NELL1: variants seen among roughly 807,000 people sequenced by gnomAD.
NELL1 encodes protein kinase C-binding protein NELL1.
A neutral mutation model predicts 107.4 loss-of-function variants in NELL1; 76 were observed. The observed-to-expected ratio is 0.71, with a 90% CI of 0.59 to 0.86. The LOEUF (loss-of-function observed/expected upper bound fraction) is 0.86. NELL1 is among the 40% of genes least tolerant of loss of function. NELL1 has a pLI of 0.00. For missense variants in NELL1, 1,024 were observed against 1,005.5 expected, an observed-to-expected ratio of 1.02 and a Z score of -0.25; for synonymous variants, 353 against 341.2, an observed-to-expected ratio of 1.03 and a Z score of -0.38.
intron 13 of NELL1, among the ~76,000 whole-genome samples, chr11:21,119,386 G>GAAAAAA (rs5790163): frequency 7.7e-6 from 1 of 129,138 alleles, no homozygotes. Context: ...GCTAAAAATT[G>GAAAAAA]AAAAAAAAAA....
intron 15 of NELL1, 101 bp downstream of exon 15, chr11:21,371,049 A>C: frequency 1.1e-6 from 1 of 889,152 alleles, no homozygotes; most frequent in Non-Finnish European, 1.7e-6. Flanking sequence ...CTGTGGGTTG[A>C]CTTGATACAT....
chr11:21,504,304 C>G (rs1490783128), intron 15 of NELL1: 1 of 152,152 alleles, frequency 6.6e-6, no homozygotes, highest in African/African-American at 2.4e-5. Flanking sequence ...GTTTACAAAT[C>G]CATTCACGTT....
chr11:21,262,989 C>A (rs568527880), intron 14 of NELL1, among the ~76,000 whole-genome samples: 2 of 151,812 alleles, frequency 1.3e-5, no homozygotes, highest in Non-Finnish European at 2.9e-5. Context: ...AGACTTCGTT[C>A]ACTTTATCTT....
intron 13 of NELL1, among the ~76,000 whole-genome samples, chr11:21,168,208 T>G (rs1856526549): frequency 6.6e-6 from 1 of 151,904 alleles, no homozygotes; most frequent in Admixed American, 6.6e-5. Flanking sequence ...AGGTCATCTC[T>G]GATAAATGGG....
intron 13 of NELL1, among the ~76,000 whole-genome samples, chr11:21,179,987 T>C (rs1303230711): frequency 7.7e-6 from 1 of 129,106 alleles, no homozygotes; most frequent in Non-Finnish European, 1.5e-5. Context: ...CCACAGAATA[T>C]ATGTAAACAA....
chr11:20,797,303 G>T (rs777282947), intron 3 of NELL1, among the ~76,000 whole-genome samples: 6 of 151,780 alleles, frequency 4.0e-5, no homozygotes, highest in Non-Finnish European at 7.4e-5. Context: ...GGTGGCTCGC[G>T]CCTGTAATCC....
intron 2 of NELL1, among the ~76,000 whole-genome samples, chr11:20,764,174 CT>C (rs1461770015): frequency 6.6e-6 from 1 of 152,090 alleles, no homozygotes; most frequent in African/African-American, 2.4e-5. Context: ...CTATCCAGAA[CT>C]TTTTTATTTT....
chr11:20,689,383 C>T (rs1447634988), intron 2 of NELL1, among the ~76,000 whole-genome samples: 1 of 150,522 alleles, frequency 6.6e-6, no homozygotes, highest in Non-Finnish European at 1.5e-5. Flanking sequence ...GTGCTGCACC[C>T]ATTAACTCAT....
intron 13 of NELL1, among the ~76,000 whole-genome samples, chr11:21,177,946 C>T (rs1453563838): frequency 6.6e-6 from 1 of 151,774 alleles, no homozygotes; most frequent in African/African-American, 2.4e-5. Flanking sequence ...GTGCTTTGCT[C>T]ATTTTAAAAA....
chr11:21,309,280 GTATATATATA>G (rs67629561), intron 14 of NELL1, among the ~76,000 whole-genome samples: 8 of 108,620 alleles, frequency 7.4e-5, no homozygotes, highest in Non-Finnish European at 1.5e-4. Context: ...ATATATATAT[GTATATATATA>G]TATATATATG....
chr11:21,212,519 T>C (rs1857520676), intron 13 of NELL1, among the ~76,000 whole-genome samples: 1 of 152,160 alleles, frequency 6.6e-6, no homozygotes, highest in Non-Finnish European at 1.5e-5. Flanking sequence ...AATAAAAAAC[T>C]GCTTAGTAGA....
At chr11:20,885,052 A>G (rs1383493097) in intron 4 of NELL1, among the ~76,000 whole-genome samples, 1 of 152,222 alleles carries the variant, frequency 6.6e-6, no homozygotes, top group African/African-American at 2.4e-5. Flanking sequence ...AGCCAGGCAG[A>G]TAAGAGTTCT....
chr11:21,463,733 A>T (rs755681070), intron 15 of NELL1, among the ~76,000 whole-genome samples: 6 of 152,064 alleles, frequency 3.9e-5, no homozygotes, highest in Non-Finnish European at 7.4e-5. Context: ...GGCATAAGAC[A>T]ATGACCCTAG....
At chr11:21,163,406 A>G (rs537958031) in intron 13 of NELL1, among the ~76,000 whole-genome samples, 1 of 152,294 alleles carries the variant, frequency 6.6e-6, no homozygotes, top group South Asian at 2.1e-4. Context: ...AAGGATGATG[A>G]TAGTCAGAAG....
At chr11:20,931,496 C>T (rs953534961) in intron 9 of NELL1, among the ~76,000 whole-genome samples, 1 of 152,136 alleles carries the variant, frequency 6.6e-6, no homozygotes, top group Non-Finnish European at 1.5e-5. Flanking sequence ...AGTTCTTAGC[C>T]ATACCACAGT....
At chr11:20,933,803 A>G (rs980769472) in intron 9 of NELL1, among the ~76,000 whole-genome samples, 1 of 152,218 alleles carries the variant, frequency 6.6e-6, no homozygotes, top group Non-Finnish European at 1.5e-5. Flanking sequence ...CACCAGAAAA[A>G]TCAAGGTCAA....
At chr11:21,105,916 C>T (rs1337919671) in intron 12 of NELL1, among the ~76,000 whole-genome samples, 1 of 122,786 alleles carries the variant, frequency 8.1e-6, no homozygotes, top group Non-Finnish European at 1.7e-5. Context: ...CCCTTCCTTC[C>T]CTCCCTCATT....
At chr11:20,992,019 A>G (rs1851987453) in intron 12 of NELL1, among the ~76,000 whole-genome samples, 2 of 149,654 alleles carry the variant, frequency 1.3e-5, no homozygotes, top group Non-Finnish European at 3.0e-5. Context: ...AAAGTTGAAA[A>G]TATTTGTATT....
At chr11:21,556,102 A>G (rs940856153) in intron 16 of NELL1, among the ~76,000 whole-genome samples, 4 of 151,882 alleles carry the variant, frequency 2.6e-5, no homozygotes, top group African/African-American at 9.7e-5. Flanking sequence ...CTGCCACTGT[A>G]AAAAAAGCAA....
Sources: allele counts gnomAD v4.1 joint callset (sites outside exome capture counted in the v4.1 genomes callset), GRCh38; gene constraint gnomAD v4.1.1; transcripts MANE v1.5; gene names NCBI Gene and HGNC (gene_info 2026-07-23, HGNC 2026-07-21).